AMD1: variants seen among roughly 807,000 people sequenced by gnomAD.
AMD1 encodes the protein S-adenosylmethionine decarboxylase proenzyme.
In AMD1, 11 loss-of-function variants were observed where a neutral mutation model predicts 40.2. The observed-to-expected ratio is 0.27, with a 90% CI of 0.17 to 0.45. AMD1 has a LOEUF of 0.45. Among genes scored for constraint, AMD1 ranks in the 20% least tolerant of loss-of-function variants. AMD1 has a pLI of 1.00. For synonymous variants in AMD1, 121 were observed against 130.8 expected, an observed-to-expected ratio of 0.93 and a Z score of 0.51; for missense variants, 257 against 410.2, an observed-to-expected ratio of 0.63 and a Z score of 3.23.
chr6:110,855,978 G>T, the AMD1 span, among the ~76,000 whole-genome samples: 23 of 152,212 alleles, frequency 1.5e-4, no homozygotes, highest in South Asian at 4.8e-3. Context: ...TACTCCGGAG[G>T]CTGCGGTAGG....
Position 110,893,730 on chromosome 6 carries a change from A to T in AMD1, c.*114A>T. 8.7e-7 allele frequency: 1 copy of T among 1,154,532 alleles called. No individual in the cohort carries two copies. Among genetic ancestry groups the T allele is most frequent in the South Asian group, 1.5e-5 (1 of 67,394 alleles). The allele number at this position is 1,154,532 out of a possible 1,614,324, so 71.5% of individuals were successfully genotyped here. On this transcript the variant is annotated 3_prime_UTR_variant, in exon 9 of 9. Transcript: ENST00000368885. ...TCCATAACCACCACTGTGTAGTTGC[A>T]GAAAGCCCTAGATGTAATGATAGTG...
At chr6:110,862,766 G>A in the AMD1 span, among the ~76,000 whole-genome samples, 44 of 151,940 alleles carry the variant, frequency 2.9e-4, no homozygotes, top group Non-Finnish European at 4.7e-4. Flanking sequence ...CACTGCACTC[G>A]GCCTATTTAC....
chr6:110,816,017 G>A, the AMD1 span: 2 of 152,236 alleles, frequency 1.3e-5, no homozygotes, highest in Non-Finnish European at 2.9e-5. Flanking sequence ...TTGGTGATTG[G>A]ATGTGCTCGG....
chr6:110,873,884 C>CA (rs764839254), upstream of AMD1, among the ~76,000 whole-genome samples: 2 of 152,314 alleles, frequency 1.3e-5, 1 homozygote, highest in Non-Finnish European at 2.9e-5. Context: ...GAACCTCCAT[C>CA]AATTAATACA....
At chr6:110,884,752 G>A (rs1399018379) in intron 1 of AMD1, among the ~76,000 whole-genome samples, 2 of 152,156 alleles carry the variant, frequency 1.3e-5, no homozygotes, top group Non-Finnish European at 2.9e-5. Context: ...GAAAGGAAAA[G>A]ACTGTTACAC....
intron 1 of AMD1, 119 bp from the exon 2 acceptor site, chr6:110,887,386 G>A: frequency 1.7e-6 from 1 of 595,886 alleles, no homozygotes; most frequent in Non-Finnish European, 2.9e-6. Context: ...GAAACTAAAA[G>A]TTGGTGTACA....
chr6:110,867,662 TCAAAA>T, the AMD1 span, among the ~76,000 whole-genome samples: 31 of 151,966 alleles, frequency 2.0e-4, no homozygotes, highest in African/African-American at 7.5e-4. Flanking sequence ...AGACTCTCAC[TCAAAA>T]CAAAACAAAA....
chr6:110,857,748 G>T, the AMD1 span, among the ~76,000 whole-genome samples: 1 of 134,960 alleles, frequency 7.4e-6, no homozygotes, highest in Non-Finnish European at 1.6e-5. Context: ...ATATATAGAT[G>T]GTATATATAT....
chr6:110,832,370 C>T, the AMD1 span, among the ~76,000 whole-genome samples: 2 of 151,882 alleles, frequency 1.3e-5, no homozygotes, highest in Non-Finnish European at 2.9e-5. Flanking sequence ...AAGCTGGTCT[C>T]AAACTCCTGG....
At chr6:110,838,868 A>G in the AMD1 span, among the ~76,000 whole-genome samples, 1 of 152,174 alleles carries the variant, frequency 6.6e-6, no homozygotes, top group Non-Finnish European at 1.5e-5. Flanking sequence ...TACTGGGTTC[A>G]AGGGATTCTC....
At chr6:110,853,036 T>C in the AMD1 span, among the ~76,000 whole-genome samples, 12 of 151,606 alleles carry the variant, frequency 7.9e-5, no homozygotes, top group African/African-American at 2.7e-4. Flanking sequence ...GCAATATTCA[T>C]TTTATTGTGG....
chr6:110,818,532 ATATTTATT>A, the AMD1 span, among the ~76,000 whole-genome samples: 864 of 146,526 alleles, frequency 5.9e-3, 8 homozygotes, highest in African/African-American at 0.023. Flanking sequence ...ATTTATATAT[ATATTTATT>A]TATTTATTTA....
Position 110,893,776 on chromosome 6 carries a change from C to A in AMD1, c.*160C>A. ...TAGTGTAATCATTTTGAATTGTATG[C>A]ATTATTATATCAAGGAGTTAGATAT... On this transcript the variant is annotated 3_prime_UTR_variant, in exon 9 of 9. Transcript: ENST00000368885. 1 of 750,426 alleles carries A rather than the reference C, an allele frequency of 1.3e-6. No individual in the cohort carries two copies. The highest frequency in any genetic ancestry group is 1.8e-5 in the African/African-American group (1 of 56,740). 46.5% of individuals were successfully genotyped at this position (750,426 alleles called of 1,614,324 possible). A position where few individuals can be genotyped will look rare whatever the true frequency, so the allele number is the denominator to read the frequency against.
the AMD1 span, among the ~76,000 whole-genome samples, chr6:110,828,909 C>T: frequency 1.3e-5 from 2 of 152,144 alleles, no homozygotes; most frequent in African/African-American, 2.4e-5. Flanking sequence ...CGGTGGTTCA[C>T]GCCTGTAATC....
chr6:110,845,840 T>C, the AMD1 span, among the ~76,000 whole-genome samples: 81 of 152,336 alleles, frequency 5.3e-4, no homozygotes, highest in African/African-American at 1.8e-3. Flanking sequence ...CCTATTCATA[T>C]ATACATTTAT....
the AMD1 span, among the ~76,000 whole-genome samples, chr6:110,847,330 C>A: frequency 1.3e-5 from 2 of 151,990 alleles, no homozygotes. Context: ...TTGAGACCAT[C>A]CTGGCTAACA....
intron 1 of AMD1, among the ~76,000 whole-genome samples, chr6:110,880,029 C>T (rs1785317211): frequency 6.6e-6 from 1 of 151,732 alleles, no homozygotes; most frequent in South Asian, 2.1e-4. Flanking sequence ...CATCTCAGCT[C>T]ACTGCAACCT....
chr6:110,886,369 G>A (rs987285152), intron 1 of AMD1, among the ~76,000 whole-genome samples: 2 of 152,060 alleles, frequency 1.3e-5, no homozygotes, highest in African/African-American at 4.8e-5. Context: ...CTGAGCTTAA[G>A]CCATCCCAAT....
At chr6:110,835,021 A>T in the AMD1 span, among the ~76,000 whole-genome samples, 19 of 131,734 alleles carry the variant, frequency 1.4e-4, no homozygotes, top group East Asian at 1.4e-3. Flanking sequence ...TGCGGATACT[A>T]TTTTTTTTTT....
Sources: allele counts gnomAD v4.1 joint callset (sites outside exome capture counted in the v4.1 genomes callset), GRCh38; gene constraint gnomAD v4.1.1; transcripts MANE v1.5; gene names NCBI Gene and HGNC (gene_info 2026-07-23, HGNC 2026-07-21).